The following WDR7 variants were observed in gnomAD, a reference collection of about 807,000 sequenced individuals.
The protein encoded by WDR7 is WD repeat domain 7.
A neutral mutation model predicts 169.4 loss-of-function variants in WDR7; 46 were observed. The observed-to-expected ratio is 0.27, with a 90% CI of 0.21 to 0.35. The LOEUF (loss-of-function observed/expected upper bound fraction) is 0.35, where lower values mean the gene tolerates loss of function less well. Ranked by LOEUF, WDR7 falls within the 10% of genes least tolerant of loss-of-function variation. The pLI is 1.00. For synonymous variants in WDR7, 612 were observed against 666.8 expected (o/e 0.92, Z 1.27); for missense variants, 1,534 against 1,859.3 (o/e 0.83, Z 3.22).
At chr18:56,866,279 G>A (rs1362463809) in intron 20 of WDR7, among the ~76,000 whole-genome samples, 1 of 151,852 alleles carries the variant, frequency 6.6e-6, no homozygotes, top group Non-Finnish European at 1.5e-5. Flanking sequence ...TTGGACCTAA[G>A]AGATGCTTTA....
chr18:56,970,454 G>A (rs1316858281), intron 26 of WDR7, among the ~76,000 whole-genome samples: 1 of 151,990 alleles, frequency 6.6e-6, no homozygotes, highest in Non-Finnish European at 1.5e-5. Context: ...AATAAATATT[G>A]CTTTTAACAT....
chr18:56,692,642 C>T (rs1044458985), intron 9 of WDR7, among the ~76,000 whole-genome samples: 1 of 151,704 alleles, frequency 6.6e-6, no homozygotes, highest in Non-Finnish European at 1.5e-5. Context: ...CCACTTACTG[C>T]TCTTCAACCT....
intron 20 of WDR7, among the ~76,000 whole-genome samples, chr18:56,859,698 A>T (rs1021008165): frequency 6.6e-5 from 10 of 152,220 alleles, no homozygotes; most frequent in African/African-American, 2.4e-4. Flanking sequence ...TTGTATAAAT[A>T]TATAAAATAC....
chr18:56,765,749 A>G (rs1354525448), intron 16 of WDR7, among the ~76,000 whole-genome samples: 1 of 152,042 alleles, frequency 6.6e-6, no homozygotes, highest in Non-Finnish European at 1.5e-5. Flanking sequence ...TCTTCTAACA[A>G]AAGGACTTAC....
intron 27 of WDR7, 43 bp from the exon 28 acceptor site, chr18:57,026,961 A>G: frequency 6.3e-7 from 1 of 1,583,480 alleles, no homozygotes; most frequent in Non-Finnish European, 8.6e-7. Context: ...AGGGAAAGGG[A>G]GAGGGCTGTT....
At chr18:56,967,666 C>T (rs889799849) in intron 26 of WDR7, among the ~76,000 whole-genome samples, 2 of 152,104 alleles carry the variant, frequency 1.3e-5, no homozygotes, top group African/African-American at 4.8e-5. Flanking sequence ...CTCTTAGGCT[C>T]GTGTTAACTA....
chr18:56,956,663 G>A (rs529566895), intron 25 of WDR7, among the ~76,000 whole-genome samples: 1 of 152,262 alleles, frequency 6.6e-6, no homozygotes, highest in South Asian at 2.1e-4. Context: ...GAACCAGCTT[G>A]CCTGTGTTGT....
intron 20 of WDR7, among the ~76,000 whole-genome samples, chr18:56,827,843 C>T (rs1287105272): frequency 1.3e-5 from 2 of 151,430 alleles, no homozygotes; most frequent in Non-Finnish European, 2.9e-5. Context: ...TACTATATAC[C>T]CACAAAAATG....
At chr18:56,979,561 AG>A (rs2047612604) in intron 26 of WDR7, among the ~76,000 whole-genome samples, 1 of 152,196 alleles carries the variant, frequency 6.6e-6, no homozygotes, top group Non-Finnish European at 1.5e-5. Flanking sequence ...TGCTCCGAAC[AG>A]GGACATTTTC....
chr18:56,949,010 A>T (rs1022456049), intron 25 of WDR7, among the ~76,000 whole-genome samples: 4 of 151,966 alleles, frequency 2.6e-5, no homozygotes, highest in Non-Finnish European at 5.9e-5. Context: ...CATCTTCTCC[A>T]CCTACTGTCC....
chr18:56,678,767 T>C (rs1205702482), intron 2 of WDR7, among the ~76,000 whole-genome samples: 2 of 152,162 alleles, frequency 1.3e-5, no homozygotes, highest in South Asian at 2.1e-4. Flanking sequence ...AGTGCTGGGA[T>C]TACAGACATG....
rs35111840 is a variant in WDR7 at position 56,924,025 on chromosome 18, T to C, written c.3630T>C (p.Thr1210=). 1.5e-4 allele frequency: 245 copies of C among 1,612,748 alleles called. No homozygotes were observed. The African/African-American group carries it at 3.0e-3, about 20-fold the overall frequency. ...TAIDLIGRGF[T]VWEPYMDVSA... is the part of the protein sequence containing the mutation. Reference sequence around the variant, plus strand: ...TTGATCTGATTGGACGTGGGTTCACTGTTTGGGAGCCTTACATGGATGTGT... The same window carrying C: ...TTGATCTGATTGGACGTGGGTTCACCGTTTGGGAGCCTTACATGGATGTGT... The change falls in exon 22 of 28, where the codon ACT becomes ACC. Residue 1210 remains threonine, a synonymous_variant. Coordinates refer to ENST00000254442, the MANE Select transcript of WDR7 (RefSeq NM_015285.3).
intron 20 of WDR7, among the ~76,000 whole-genome samples, chr18:56,865,940 T>A (rs982063402): frequency 1.3e-5 from 2 of 152,160 alleles, no homozygotes; most frequent in Non-Finnish European, 2.9e-5. Flanking sequence ...TAATTATAAA[T>A]TTTGCTTGCT....
At chr18:56,936,299 T>C in intron 23 of WDR7, 1 of 160,078 alleles carries the variant, frequency 6.2e-6, no homozygotes, top group East Asian at 1.8e-4. Flanking sequence ...AAACGAAAAA[T>C]GTAAGTCATA....
intron 22 of WDR7, among the ~76,000 whole-genome samples, chr18:56,926,767 T>C (rs1286898153): frequency 6.6e-6 from 1 of 152,202 alleles, no homozygotes; most frequent in African/African-American, 2.4e-5. Flanking sequence ...TCATGATAAA[T>C]TGCATAATAA....
chr18:56,900,080 G>GTA (rs772841290), intron 21 of WDR7, among the ~76,000 whole-genome samples: 138 of 30,244 alleles, frequency 4.6e-3, no homozygotes, highest in Admixed American at 6.6e-3. Context: ...GTGTGTGTGT[G>GTA]TGTATATATA....
chr18:57,010,363 T>A, intron 26 of WDR7: 1 of 876,310 alleles, frequency 1.1e-6, no homozygotes, highest in Non-Finnish European at 1.4e-6. Flanking sequence ...CACATTTATC[T>A]AAATTATATT....
At chr18:56,706,454 A>G (rs2025957019) in intron 12 of WDR7, among the ~76,000 whole-genome samples, 3 of 152,310 alleles carry the variant, frequency 2.0e-5, no homozygotes, top group Non-Finnish European at 2.9e-5. Context: ...TTGGAGTGGC[A>G]TTAGCAGGTT....
rs80172335 is a variant in WDR7 at position 56,674,100 on chromosome 18, G to A, written c.159+1426G>A. Among the ~76,000 whole-genome samples, 240 of 152,256 alleles carry A rather than the reference G, an allele frequency of 1.6e-3. 3 individuals carry two copies. Among genetic ancestry groups the A allele is most frequent in the East Asian group, 6.0e-3 (31 of 5,182 alleles). On this transcript the variant is annotated intron_variant, in intron 2 of 27. Coordinates refer to ENST00000254442, the MANE Select transcript of WDR7 (RefSeq NM_015285.3). ...ATGAGTATTACACATTTGTGTATGAGTTTTTGTGTGGACACATGATTTCAG... is the reference window on the plus strand; with the variant it reads ...ATGAGTATTACACATTTGTGTATGAATTTTTGTGTGGACACATGATTTCAG...
Sources: allele counts gnomAD v4.1 joint callset (sites outside exome capture counted in the v4.1 genomes callset), GRCh38; gene constraint gnomAD v4.1.1; transcripts MANE v1.5; gene names NCBI Gene and HGNC (gene_info 2026-07-23, HGNC 2026-07-21).